The following CLRN1 variants were observed in gnomAD, a reference collection of about 807,000 sequenced individuals.
CLRN1 encodes the protein clarin 1, also known as clarin-1.
A neutral mutation model predicts 18.7 loss-of-function variants in CLRN1; 15 were observed. The ratio of observed to expected loss-of-function variants is 0.80; its 90% CI spans 0.54 to 1.23. CLRN1 has a LOEUF of 1.23. CLRN1 is among the 50% of genes most tolerant of loss of function. The probability of loss-of-function intolerance (pLI) is 0.00; values close to 1 mark genes in which losing one functional copy is unlikely to be tolerated. For missense variants in CLRN1, 311 were observed against 277.5 expected (o/e 1.12, Z -0.86); for synonymous variants, 104 against 102.9 (o/e 1.01, Z -0.07).
chr3:150,927,048 CT>C lies in CLRN1; in HGVS notation c.*887del. On this transcript the variant is annotated 3_prime_UTR_variant, in exon 3 of 3. Transcript: ENST00000327047. Reference sequence around the variant, plus strand: ...GACACTATAGCTAGAAAAACAGCCCCTAATAAGTCATTTTGCATCAAATGTA... The same window carrying C: ...GACACTATAGCTAGAAAAACAGCCCCAATAAGTCATTTTGCATCAAATGTA... 1 of 1,136,084 alleles carries C rather than the reference CT, an allele frequency of 8.8e-7. No individual in the cohort carries two copies. Among genetic ancestry groups the C allele is most frequent in the Non-Finnish European group, 1.3e-6 (1 of 779,572 alleles). 70.4% of individuals were successfully genotyped at this position (1,136,084 alleles called of 1,614,324 possible).
At chr3:150,943,862 G>C in intron 1 of CLRN1, 1 of 1,614,174 alleles carries the variant, frequency 6.2e-7, no homozygotes, top group Non-Finnish European at 8.5e-7. Flanking sequence ...ACTCCTCACA[G>C]CACTAAAGCA....
intron 2 of CLRN1, 64 bp downstream of exon 2, chr3:150,941,518 G>A: frequency 6.8e-7 from 1 of 1,478,616 alleles, no homozygotes; most frequent in Non-Finnish European, 9.4e-7. Context: ...TTATATTTAG[G>A]TAGACGGTCT....
chr3:150,941,146 A>G (rs894461466), intron 2 of CLRN1, among the ~76,000 whole-genome samples: 7 of 73,704 alleles, frequency 9.5e-5, no homozygotes, highest in Non-Finnish European at 1.8e-4. Context: ...CTGTCTATCT[A>G]TCTATCTATC....
At chr3:150,960,494 T>C (rs1039133272) in intron 1 of CLRN1, among the ~76,000 whole-genome samples, 1 of 152,204 alleles carries the variant, frequency 6.6e-6, no homozygotes, top group African/African-American at 2.4e-5. Context: ...TTTTACTTTT[T>C]TTTTCCTGAC....
chr3:150,950,355 A>G (rs1005870178), intron 1 of CLRN1, among the ~76,000 whole-genome samples: 3 of 152,180 alleles, frequency 2.0e-5, no homozygotes, highest in Non-Finnish European at 4.4e-5. Context: ...TAAAAGAAAC[A>G]ATCAAAAGAG....
chr3:150,965,359 G>A (rs1715214878), intron 1 of CLRN1, among the ~76,000 whole-genome samples: 1 of 151,820 alleles, frequency 6.6e-6, no homozygotes, highest in Admixed American at 6.6e-5. Flanking sequence ...CCAATAAGTG[G>A]GCAGCTGAAA....
chr3:150,955,687 A>G (rs1817215), intron 1 of CLRN1, among the ~76,000 whole-genome samples: 28,739 of 152,134 alleles, frequency 0.19, 3,052 homozygotes, highest in South Asian at 0.42. Context: ...CCAGATTTGG[A>G]AAAAGAATTC....
chr3:150,940,629 C>G (rs1267616639), intron 2 of CLRN1: 17 of 1,048,792 alleles, frequency 1.6e-5, no homozygotes, highest in Non-Finnish European at 2.2e-5. Flanking sequence ...AAATTACTTG[C>G]CTCCCAGGAA....
At chr3:150,951,339 A>ATG (rs1013073905) in intron 1 of CLRN1, among the ~76,000 whole-genome samples, 23 of 57,114 alleles carry the variant, frequency 4.0e-4, no homozygotes, top group Non-Finnish European at 1.5e-3. Context: ...AGTCTGGGTA[A>ATG]TATATATATA....
Position 150,928,132 on chromosome 3 carries a change from A to AT in CLRN1, c.502dup (p.Ile168AsnfsTer5), listed in dbSNP as rs746523071. The AT allele has an allele frequency of 7.4e-6, 12 of 1,613,204 alleles. No individual in the cohort carries two copies. Among genetic ancestry groups the AT allele is most frequent in the Admixed American group, 1.7e-5 (1 of 59,810 alleles). ...ATAAGTCCCTTCTTTATAATTTGCAATTTTTTCTGAGAGGTGATGGATTTT... is the reference window on the plus strand; with the variant it reads ...ATAAGTCCCTTCTTTATAATTTGCAATTTTTTTCTGAGAGGTGATGGATTTT... On this transcript the variant is annotated frameshift_variant, in exon 3 of 3. Transcript: ENST00000327047. LOFTEE classifies it high-confidence loss of function.
At chr3:150,939,717 T>C (rs1462587910) in intron 2 of CLRN1, among the ~76,000 whole-genome samples, 1 of 152,112 alleles carries the variant, frequency 6.6e-6, no homozygotes, top group Admixed American at 6.5e-5. Context: ...ATTCCTTCTG[T>C]TAAAATTCTG....
intron 1 of CLRN1, among the ~76,000 whole-genome samples, chr3:150,958,380 C>T (rs1003147395): frequency 6.6e-6 from 1 of 152,196 alleles, no homozygotes; most frequent in Non-Finnish European, 1.5e-5. Flanking sequence ...CCCCACTTCT[C>T]TTTTGATTTT....
chr3:150,965,181 A>T (rs1453405269), intron 1 of CLRN1, among the ~76,000 whole-genome samples: 4 of 152,160 alleles, frequency 2.6e-5, no homozygotes, highest in African/African-American at 9.7e-5. Context: ...CCATATGCAT[A>T]TGAATTTGAA....
chr3:150,946,218 A>G (rs1299598720), intron 1 of CLRN1, among the ~76,000 whole-genome samples: 2 of 152,250 alleles, frequency 1.3e-5, no homozygotes, highest in Admixed American at 6.5e-5. Context: ...ATAAATATTA[A>G]TAGTTATTTA....
intron 2 of CLRN1, among the ~76,000 whole-genome samples, chr3:150,934,348 G>A (rs1484434552): frequency 6.6e-6 from 1 of 152,146 alleles, no homozygotes; most frequent in Non-Finnish European, 1.5e-5. Context: ...TGTTTGCCCT[G>A]CTTGGCATAA....
In CLRN1 at chr3:150,927,998, A is replaced by G. The variant is rs1373061249; in HGVS notation, c.637T>C (p.Phe213Leu). 3 of 1,614,102 alleles carry G rather than the reference A, an allele frequency of 1.9e-6. No homozygotes were observed. The Admixed American group carries it at 5.0e-5, about 27-fold the overall frequency. ...GCGTCTTTAGATTTTGCAAAAGGGA[A>G]CTGAAATCCAGCAAGTCGTATTAGG... ...GLLIRLAGFQ[F>L]PFAKSKDAET... The change falls in exon 3 of 3, where the codon TTC (phenylalanine) becomes CTC (leucine). Residue 213 changes from phenylalanine (F) to leucine (L), a missense_variant. By Grantham distance (22) the Phe-to-Leu change is conservative. Coordinates refer to ENST00000327047, the MANE Select transcript of CLRN1 (RefSeq NM_174878.3).
chr3:150,931,828 C>T (rs1333764444), intron 2 of CLRN1, among the ~76,000 whole-genome samples: 2 of 152,136 alleles, frequency 1.3e-5, no homozygotes, highest in African/African-American at 2.4e-5. Context: ...TGGACAGATT[C>T]CTTATGTGTC....
At chr3:150,940,306 T>C (rs1440118686) in intron 2 of CLRN1, among the ~76,000 whole-genome samples, 3 of 152,210 alleles carry the variant, frequency 2.0e-5, no homozygotes, top group Non-Finnish European at 2.9e-5. Flanking sequence ...TAGCAGAATG[T>C]GGATGGGGTG....
chr3:150,956,593 G>A (rs971207427), intron 1 of CLRN1, among the ~76,000 whole-genome samples: 34 of 152,114 alleles, frequency 2.2e-4, no homozygotes, highest in Non-Finnish European at 2.9e-4. Flanking sequence ...CTGCTATTAC[G>A]AAACAGAGCT....
Sources: gnomAD v4.1 joint callset for allele counts (sites outside exome capture counted in the v4.1 genomes callset) on GRCh38, gnomAD v4.1.1 for gene constraint, MANE v1.5 for transcripts, NCBI Gene and HGNC (gene_info 2026-07-23, HGNC 2026-07-21) for gene names.